CRTC3: variants seen among roughly 807,000 people sequenced by gnomAD.
CRTC3 encodes CREB regulated transcription coactivator 3, also known as CREB-regulated transcription coactivator 3.
CRTC3 carries 26 observed loss-of-function variants against 74.5 expected under a neutral mutation model. The ratio of observed to expected loss-of-function variants is 0.35; its 90% CI spans 0.26 to 0.48. The LOEUF (loss-of-function observed/expected upper bound fraction) is 0.48. Among genes scored for constraint, CRTC3 ranks in the 20% least tolerant of loss-of-function variants. The pLI, the probability that CRTC3 is intolerant of heterozygous loss-of-function variation, is 0.99. For synonymous variants in CRTC3, 377 were observed against 325.8 expected, an observed-to-expected ratio of 1.16 and a Z score of -1.69; for missense variants, 760 against 787.3, an observed-to-expected ratio of 0.97 and a Z score of 0.41.
At chr15:90,607,925 A>G (rs1192658998) in intron 6 of CRTC3, among the ~76,000 whole-genome samples, 2 of 152,154 alleles carry the variant, frequency 1.3e-5, no homozygotes, top group Non-Finnish European at 2.9e-5. Context: ...GGAGGAAGTG[A>G]CTGTCTCTGT....
intron 2 of CRTC3, among the ~76,000 whole-genome samples, chr15:90,583,894 A>G (rs1246471457): frequency 6.6e-6 from 1 of 151,900 alleles, no homozygotes; most frequent in African/African-American, 2.4e-5. Flanking sequence ...ACCAAGTATG[A>G]CATCCTTTTT....
chr15:90,574,267 A>G (rs1251049675), intron 2 of CRTC3, among the ~76,000 whole-genome samples: 1 of 152,130 alleles, frequency 6.6e-6, no homozygotes, highest in Non-Finnish European at 1.5e-5. Flanking sequence ...TCACGAGGTC[A>G]AGAGATCGAG....
At chr15:90,590,149 C>T (rs1332159847) in intron 2 of CRTC3, among the ~76,000 whole-genome samples, 12 of 151,362 alleles carry the variant, frequency 7.9e-5, no homozygotes, top group East Asian at 3.9e-4. Flanking sequence ...AAAAATTAGC[C>T]GGGAGTGGTG....
chr15:90,602,306 CT>C lies in CRTC3; in HGVS notation c.352-15del. ...ATCTTTCCATTAATTTTTATTTTTC[CT>C]TTATTAAAAATTCTACTTTGATGGT... On this transcript the variant is annotated splice_polypyrimidine_tract_variant and intron_variant, in intron 3 of 14. Coordinates refer to ENST00000268184, the MANE Select transcript of CRTC3 (RefSeq NM_022769.5). The C allele has an allele frequency of 6.9e-7, 1 of 1,455,734 alleles. No individual in the cohort carries two copies. The highest frequency in any genetic ancestry group is 9.6e-7 in the Non-Finnish European group (1 of 1,040,276). 90.2% of individuals were successfully genotyped at this position (1,455,734 alleles called of 1,614,324 possible). A position where few individuals can be genotyped will look rare whatever the true frequency, so the allele number is the denominator to read the frequency against.
intron 2 of CRTC3, among the ~76,000 whole-genome samples, chr15:90,549,744 C>T (rs1356388926): frequency 6.7e-6 from 1 of 149,796 alleles, no homozygotes; most frequent in Non-Finnish European, 1.5e-5. Context: ...TCTCTGTCAC[C>T]CAGGCTGGAG....
chr15:90,593,926 T>C, intron 3 of CRTC3, 171 bp downstream of exon 3: 1 of 571,920 alleles, frequency 1.7e-6, no homozygotes, highest in Non-Finnish European at 2.8e-6. Flanking sequence ...CAGTCAACAT[T>C]TGGAAACATC....
At chr15:90,614,378 A>C in intron 6 of CRTC3, 75 bp from the exon 7 acceptor site, 1 of 1,063,312 alleles carries the variant, frequency 9.4e-7, no homozygotes, top group Non-Finnish European at 1.4e-6. Context: ...ATAAAGAGTT[A>C]CTGATTCATA....
intron 5 of CRTC3, among the ~76,000 whole-genome samples, chr15:90,605,051 A>G (rs1968179282): frequency 6.6e-6 from 1 of 152,090 alleles, no homozygotes; most frequent in South Asian, 2.1e-4. Context: ...GTGTGAGTCC[A>G]GCAGTTTGAG....
intron 3 of CRTC3, 27 bp downstream of exon 3, chr15:90,593,782 G>A (rs891110653): frequency 6.4e-7 from 1 of 1,565,070 alleles, no homozygotes; most frequent in African/African-American, 1.3e-5. Context: ...TTCAAAGGGA[G>A]TGTGCATTCT....
chr15:90,613,512 C>T (rs1259975747), intron 6 of CRTC3: 1 of 152,290 alleles, frequency 6.6e-6, no homozygotes, highest in African/African-American at 2.4e-5. Context: ...GATCTGTCTT[C>T]TCACCTACAC....
At chr15:90,539,037 C>A (rs1401090423) in intron 1 of CRTC3, among the ~76,000 whole-genome samples, 1 of 152,128 alleles carries the variant, frequency 6.6e-6, no homozygotes, top group Non-Finnish European at 1.5e-5. Context: ...CCTGGCCCAT[C>A]CTAGGGGCTT....
At chr15:90,531,592 C>T (rs1290300874) in intron 1 of CRTC3, among the ~76,000 whole-genome samples, 1 of 152,120 alleles carries the variant, frequency 6.6e-6, no homozygotes, top group Non-Finnish European at 1.5e-5. Context: ...AAAATGTTTT[C>T]TTATACCCTA....
At chr15:90,563,993 G>A (rs762358526) in intron 2 of CRTC3, among the ~76,000 whole-genome samples, 126 of 152,150 alleles carry the variant, frequency 8.3e-4, no homozygotes, top group Middle Eastern at 3.4e-3. Context: ...TGTGCATCAG[G>A]CAATATGGCT....
At chr15:90,574,570 C>T (rs1967358835) in intron 2 of CRTC3, among the ~76,000 whole-genome samples, 1 of 152,120 alleles carries the variant, frequency 6.6e-6, no homozygotes, top group African/African-American at 2.4e-5. Flanking sequence ...AGAAAAATGA[C>T]TAGAAGTGAA....
chr15:90,541,048 T>C (rs1436834999), intron 2 of CRTC3, among the ~76,000 whole-genome samples: 1 of 152,198 alleles, frequency 6.6e-6, no homozygotes, highest in Non-Finnish European at 1.5e-5. Flanking sequence ...TGCAGTGTCC[T>C]CGGGTGCTTT....
chr15:90,638,145 T>C (rs1969306118), intron 11 of CRTC3: 2 of 356,844 alleles, frequency 5.6e-6, no homozygotes, highest in South Asian at 4.4e-5. Flanking sequence ...GACACGGCTA[T>C]AAAACAAAAC....
chr15:90,545,476 T>G (rs1225023808), intron 2 of CRTC3, among the ~76,000 whole-genome samples: 1 of 150,702 alleles, frequency 6.6e-6, no homozygotes. Flanking sequence ...CTCAGCTCAC[T>G]GCTGCCTCCG....
At chr15:90,621,219 C>T (rs992052255) in intron 9 of CRTC3, among the ~76,000 whole-genome samples, 3 of 152,190 alleles carry the variant, frequency 2.0e-5, no homozygotes, top group East Asian at 1.9e-4. Context: ...TTTGGCTTAA[C>T]CATCAGATAA....
chr15:90,556,470 C>T lies in CRTC3; in HGVS notation c.231+16333C>T, dbSNP rs149544033. Among the ~76,000 whole-genome samples the T allele has an allele frequency of 2.2e-3, 341 of 152,238 alleles. 2 individuals carry two copies. Among genetic ancestry groups the T allele is most frequent in the Non-Finnish European group, 3.8e-3 (257 of 68,034 alleles). Reference sequence around the variant, plus strand: ...AGATCCTTAGCTTTTTCAGATCTGACGTTCCAAGTGTATGTTGACTGTTCA... The same window carrying T: ...AGATCCTTAGCTTTTTCAGATCTGATGTTCCAAGTGTATGTTGACTGTTCA... On this transcript the variant is annotated intron_variant, in intron 2 of 14. Transcript: ENST00000268184.
Sources: allele counts gnomAD v4.1 joint callset (sites outside exome capture counted in the v4.1 genomes callset), GRCh38; gene constraint gnomAD v4.1.1; transcripts MANE v1.5; gene names NCBI Gene and HGNC (gene_info 2026-07-23, HGNC 2026-07-21).